UQCC1: variants seen among roughly 807,000 people sequenced by gnomAD.
UQCC1 encodes the protein bFGF-repressed Zic-binding protein.
UQCC1 carries 38 observed loss-of-function variants against 48.0 expected under a neutral mutation model. The ratio of observed to expected loss-of-function variants is 0.79; its 90% CI spans 0.61 to 1.04. The LOEUF (loss-of-function observed/expected upper bound fraction) is 1.04, where lower values mean the gene tolerates loss of function less well. Ranked by LOEUF, UQCC1 falls within the 50% of genes least tolerant of loss-of-function variation. UQCC1 has a pLI of 0.00. For synonymous variants in UQCC1, 111 were observed against 129.2 expected (o/e 0.86, Z 0.95); for missense variants, 368 against 381.8 (o/e 0.96, Z 0.30).
intron 1 of UQCC1, among the ~76,000 whole-genome samples, chr20:35,398,430 C>T (rs192421853): frequency 9.2e-5 from 14 of 152,218 alleles, no homozygotes; most frequent in East Asian, 1.9e-4. Flanking sequence ...TCCATTTCCT[C>T]GAGTAGAAAC....
intron 1 of UQCC1, among the ~76,000 whole-genome samples, chr20:35,399,666 G>T (rs2146528822): frequency 6.6e-6 from 1 of 152,006 alleles, no homozygotes; most frequent in African/African-American, 2.4e-5. Context: ...AGACCAGCCT[G>T]GCCAACATGG....
At chr20:35,389,227 C>T (rs952987420) in intron 2 of UQCC1, among the ~76,000 whole-genome samples, 1 of 152,014 alleles carries the variant, frequency 6.6e-6, no homozygotes, top group Non-Finnish European at 1.5e-5. Context: ...TGTAGAAAGG[C>T]GTTCCCAATA....
At chr20:35,311,696 A>C (rs1332677982) in intron 8 of UQCC1, among the ~76,000 whole-genome samples, 3 of 152,132 alleles carry the variant, frequency 2.0e-5, no homozygotes, top group South Asian at 2.1e-4. Context: ...ATACAGGAAA[A>C]ACTTCTAGAA....
At chr20:35,319,194 A>C (rs2061095243) in intron 7 of UQCC1, among the ~76,000 whole-genome samples, 1 of 152,244 alleles carries the variant, frequency 6.6e-6, no homozygotes, top group Non-Finnish European at 1.5e-5. Flanking sequence ...TGAATGTTTA[A>C]TAATAAACTA....
intron 6 of UQCC1, among the ~76,000 whole-genome samples, chr20:35,357,979 G>A (rs185874508): frequency 3.3e-5 from 5 of 152,250 alleles, no homozygotes; most frequent in East Asian, 3.9e-4. Flanking sequence ...TGTTGGAAAC[G>A]AGGGGGAATT....
At chr20:35,379,372 C>A (rs2061839691) in intron 4 of UQCC1, among the ~76,000 whole-genome samples, 1 of 152,194 alleles carries the variant, frequency 6.6e-6, no homozygotes, top group African/African-American at 2.4e-5. Context: ...CCAGTGCAAT[C>A]CAATACAAGT....
chr20:35,315,430 T>C (rs2061046315), intron 7 of UQCC1: 1 of 152,030 alleles, frequency 6.6e-6, no homozygotes, highest in South Asian at 2.1e-4. Context: ...TCAAAAGAGT[T>C]TGTCGTGATG....
chr20:35,353,143 C>T (rs6087696), intron 6 of UQCC1, among the ~76,000 whole-genome samples: 1 of 152,058 alleles, frequency 6.6e-6, no homozygotes, highest in Non-Finnish European at 1.5e-5. Flanking sequence ...TGGCTCACAC[C>T]TGTAATTCCA....
intron 4 of UQCC1, among the ~76,000 whole-genome samples, chr20:35,381,695 C>T (rs1419331887): frequency 6.6e-6 from 1 of 152,120 alleles, no homozygotes; most frequent in Non-Finnish European, 1.5e-5. Context: ...AAAAAGGTCG[C>T]ACATAGAGTG....
chr20:35,305,522 G>C (rs976071711), intron 9 of UQCC1, among the ~76,000 whole-genome samples: 1 of 152,228 alleles, frequency 6.6e-6, no homozygotes, highest in Non-Finnish European at 1.5e-5. Flanking sequence ...CTGAGGGTGA[G>C]TCCAGTCAAC....
intron 1 of UQCC1, among the ~76,000 whole-genome samples, chr20:35,398,176 T>C (rs2062108553): frequency 1.3e-5 from 2 of 152,188 alleles, no homozygotes; most frequent in Non-Finnish European, 2.9e-5. Context: ...CAAGGTACCT[T>C]CTAGCTCTAA....
intron 8 of UQCC1, among the ~76,000 whole-genome samples, chr20:35,308,507 G>A (rs183736465): frequency 7.2e-4 from 110 of 152,362 alleles, no homozygotes; most frequent in African/African-American, 2.5e-3. Context: ...TGGGAAAACA[G>A]GCAACTTTAG....
At chr20:35,380,423 C>T (rs557676815) in intron 4 of UQCC1, among the ~76,000 whole-genome samples, 2 of 152,206 alleles carry the variant, frequency 1.3e-5, no homozygotes, top group East Asian at 3.9e-4. Flanking sequence ...AAACAAAATG[C>T]TTGTGGAATT....
In UQCC1 at chr20:35,311,311, C is replaced by T. The variant is rs775509670; in HGVS notation, c.651+3377G>A. Among the ~76,000 whole-genome samples, 125 of 152,118 alleles carry T rather than the reference C, an allele frequency of 8.2e-4. 1 individual carries two copies. Among genetic ancestry groups the T allele is most frequent in the Non-Finnish European group, 7.2e-4 (49 of 68,022 alleles). On this transcript the variant is annotated intron_variant, in intron 8 of 9. Transcript: ENST00000374385. Reference sequence around the variant, plus strand: ...ACAGAAAACAGGGAGGTTCCCAAAGCGTCCAGGGAGGGGGAACAATCCAAG... The same window carrying T: ...ACAGAAAACAGGGAGGTTCCCAAAGTGTCCAGGGAGGGGGAACAATCCAAG...
chr20:35,397,191 ACT>A (rs1193221824), intron 1 of UQCC1, among the ~76,000 whole-genome samples: 1 of 134,170 alleles, frequency 7.5e-6, no homozygotes, highest in African/African-American at 2.9e-5. Context: ...AGAGAGGGAG[ACT>A]CTGTCTCAAA....
intron 5 of UQCC1, 98 bp from the exon 6 acceptor site, chr20:35,366,712 T>A (rs1334501434): frequency 3.9e-6 from 4 of 1,033,618 alleles, no homozygotes; most frequent in African/African-American, 1.6e-5. Flanking sequence ...TGGTGCTCTC[T>A]GATTATGCTA....
chr20:35,384,659 AAAAAG>A (rs1356704788), intron 2 of UQCC1: 16 of 450,548 alleles, frequency 3.6e-5, no homozygotes, highest in East Asian at 1.4e-4. Flanking sequence ...AAAAAAAAAA[AAAAAG>A]AGAGAGAGAG....
intron 1 of UQCC1, among the ~76,000 whole-genome samples, chr20:35,408,244 C>T (rs2062282247): frequency 6.6e-6 from 1 of 152,088 alleles, no homozygotes; most frequent in Non-Finnish European, 1.5e-5. Context: ...GCCTGGGCAA[C>T]ATAGCAAGAA....
chr20:35,318,360 T>A (rs1467545720), intron 7 of UQCC1, among the ~76,000 whole-genome samples: 1 of 152,246 alleles, frequency 6.6e-6, no homozygotes, highest in Non-Finnish European at 1.5e-5. Context: ...TTTCCTACTT[T>A]ACCATCTGCA....
Sources: allele counts gnomAD v4.1 joint callset (sites outside exome capture counted in the v4.1 genomes callset), GRCh38; gene constraint gnomAD v4.1.1; transcripts MANE v1.5; gene names NCBI Gene and HGNC (gene_info 2026-07-23, HGNC 2026-07-21).